NAV2: variants seen among roughly 807,000 people sequenced by gnomAD.
The protein encoded by NAV2 is neuron navigator 2.
Under a neutral mutation model 223.2 loss-of-function variants are expected in NAV2, and 54 were observed. The ratio of observed to expected loss-of-function variants is 0.24; its 90% CI spans 0.19 to 0.30. The LOEUF is 0.30. Among genes scored for constraint, NAV2 ranks in the 10% least tolerant of loss-of-function variants. NAV2 has a pLI of 1.00. For missense variants in NAV2, 2,806 were observed against 3,147.5 expected (o/e 0.89, Z 2.60); for synonymous variants, 1,279 against 1,239.3 (o/e 1.03, Z -0.67).
chr11:19,693,918 T>C (rs921296131), intron 1 of NAV2, among the ~76,000 whole-genome samples: 3 of 152,218 alleles, frequency 2.0e-5, no homozygotes, highest in African/African-American at 7.2e-5. Context: ...ATTAGGCCGA[T>C]GTATAGGAAA....
chr11:19,454,603 T>C (rs1303570769), intron 1 of NAV2, among the ~76,000 whole-genome samples: 1 of 152,182 alleles, frequency 6.6e-6, no homozygotes, highest in Non-Finnish European at 1.5e-5. Flanking sequence ...TTGCCAGCAC[T>C]GTGCTGAGCT....
At chr11:19,993,076 G>T (rs1327114296) in intron 11 of NAV2, among the ~76,000 whole-genome samples, 5 of 152,178 alleles carry the variant, frequency 3.3e-5, no homozygotes, top group Non-Finnish European at 5.9e-5. Context: ...GTCACCCAAA[G>T]CATAGGCCCC....
At chr11:20,044,628 G>A (rs1765713267) in intron 13 of NAV2, among the ~76,000 whole-genome samples, 1 of 152,188 alleles carries the variant, frequency 6.6e-6, no homozygotes, top group Non-Finnish European at 1.5e-5. Context: ...AACAAGGGCA[G>A]AGGTATCCCC....
intron 1 of NAV2, among the ~76,000 whole-genome samples, chr11:19,720,598 C>T (rs1412243992): frequency 7.2e-5 from 11 of 152,272 alleles, no homozygotes; most frequent in South Asian, 6.2e-4. Flanking sequence ...CCACTTTCAG[C>T]GGTCTTTGGA....
chr11:19,408,257 G>A (rs968113814), intron 1 of NAV2, among the ~76,000 whole-genome samples: 1 of 152,148 alleles, frequency 6.6e-6, no homozygotes, highest in African/African-American at 2.4e-5. Flanking sequence ...GGTAATTGGA[G>A]AGCATTAATT....
At chr11:19,717,568 G>A (rs1473414548) in intron 1 of NAV2, among the ~76,000 whole-genome samples, 1 of 152,226 alleles carries the variant, frequency 6.6e-6, no homozygotes, top group Admixed American at 6.5e-5. Context: ...GTTGCTTCAT[G>A]CAACAAGTCA....
intron 26 of NAV2, among the ~76,000 whole-genome samples, chr11:20,089,041 C>G (rs1464024987): frequency 6.6e-6 from 1 of 151,764 alleles, no homozygotes; most frequent in Non-Finnish European, 1.5e-5. Context: ...TATCAGTAAA[C>G]CTCACAAACC....
chr11:19,698,197 T>C (rs1442152115), intron 1 of NAV2, among the ~76,000 whole-genome samples: 1 of 152,194 alleles, frequency 6.6e-6, no homozygotes, highest in Non-Finnish European at 1.5e-5. Context: ...ACCACGTGAC[T>C]CTGAGCAAGC....
intron 1 of NAV2, among the ~76,000 whole-genome samples, chr11:19,443,477 A>C (rs926702024): frequency 2.0e-5 from 3 of 152,226 alleles, no homozygotes; most frequent in Admixed American, 1.3e-4. Flanking sequence ...AATCTTTTGC[A>C]GAAAGTCCCA....
At chr11:19,858,148 G>A (rs1348598715) in intron 3 of NAV2, among the ~76,000 whole-genome samples, 4 of 152,182 alleles carry the variant, frequency 2.6e-5, no homozygotes, top group African/African-American at 9.7e-5. Context: ...GAGCCACCAC[G>A]CCCGGCCAGA....
chr11:19,888,931 A>G (rs973504187), intron 5 of NAV2, among the ~76,000 whole-genome samples: 6 of 151,986 alleles, frequency 3.9e-5, no homozygotes, highest in African/African-American at 1.5e-4. Flanking sequence ...AACTTCACGT[A>G]TTTTACCAAT....
intron 10 of NAV2, among the ~76,000 whole-genome samples, chr11:19,961,118 T>C (rs1292006021): frequency 6.6e-6 from 1 of 152,026 alleles, no homozygotes; most frequent in Non-Finnish European, 1.5e-5. Flanking sequence ...TTAAAATTTT[T>C]TTCTCTTTTT....
chr11:19,611,173 T>G (rs1400999104), intron 1 of NAV2, among the ~76,000 whole-genome samples: 1 of 152,092 alleles, frequency 6.6e-6, no homozygotes, highest in Non-Finnish European at 1.5e-5. Flanking sequence ...CTCGTGAGAC[T>G]TATTCACTAT....
chr11:19,535,709 T>C (rs1174825632), intron 1 of NAV2, among the ~76,000 whole-genome samples: 1 of 152,228 alleles, frequency 6.6e-6, no homozygotes, highest in African/African-American at 2.4e-5. Flanking sequence ...CCATTCCCTG[T>C]TGGCCTTATG....
intron 1 of NAV2, among the ~76,000 whole-genome samples, chr11:19,730,185 G>A (rs1007544849): frequency 2.4e-4 from 37 of 152,256 alleles, no homozygotes; most frequent in African/African-American, 8.7e-4. Flanking sequence ...CAAGTGCCTC[G>A]GAAGCCCAGT....
intron 1 of NAV2, among the ~76,000 whole-genome samples, chr11:19,504,638 G>C (rs2043064843): frequency 6.6e-6 from 1 of 152,162 alleles, no homozygotes; most frequent in South Asian, 2.1e-4. Context: ...GATTTCTGGG[G>C]AAGGCCTCTA....
chr11:19,700,454 G>C (rs2049478747), intron 1 of NAV2, among the ~76,000 whole-genome samples: 1 of 152,164 alleles, frequency 6.6e-6, no homozygotes, highest in Non-Finnish European at 1.5e-5. Flanking sequence ...GTAAGAAACT[G>C]AGGCTCAGAG....
At chr11:19,424,005 G>C (rs1431338693) in intron 1 of NAV2, among the ~76,000 whole-genome samples, 1 of 152,102 alleles carries the variant, frequency 6.6e-6, no homozygotes, top group African/African-American at 2.4e-5. Flanking sequence ...AAACCACAGG[G>C]TCCCCATTTC....
At chr11:19,864,891 C>T (rs894480175) in intron 3 of NAV2, among the ~76,000 whole-genome samples, 7 of 152,094 alleles carry the variant, frequency 4.6e-5, no homozygotes, top group Non-Finnish European at 5.9e-5. Flanking sequence ...CTCCAAGCCA[C>T]GTGGTAGTCC....
Sources: allele counts gnomAD v4.1 joint callset (sites outside exome capture counted in the v4.1 genomes callset), GRCh38; gene constraint gnomAD v4.1.1; transcripts MANE v1.5; gene names NCBI Gene and HGNC (gene_info 2026-07-23, HGNC 2026-07-21).